Variants in TRIOBP observed in about 807,000 individuals in gnomAD.
TRIOBP encodes the protein TRIO and F-actin-binding protein.
In TRIOBP, 169 loss-of-function variants were observed where a neutral mutation model predicts 238.8. That is an observed-to-expected ratio of 0.71 (90% CI 0.62 to 0.80). The LOEUF is 0.80. TRIOBP is among the 30% of genes least tolerant of loss of function. The pLI, the probability that TRIOBP is intolerant of heterozygous loss-of-function variation, is 0.00. For missense variants in TRIOBP, 2,838 were observed against 3,122.6 expected, an observed-to-expected ratio of 0.91 and a Z score of 2.17; for synonymous variants, 1,150 against 1,274.4, an observed-to-expected ratio of 0.90 and a Z score of 2.08.
chr22:37,771,661 C>T lies in TRIOBP; in HGVS notation c.6861C>T (p.Arg2287=), dbSNP rs565776492. Residue 2287 remains arginine (R), a synonymous_variant, in exon 22 of 24, where the codon CGC becomes CGT. Coordinates refer to ENST00000644935, the MANE Select transcript of TRIOBP (RefSeq NM_001039141.3). ...RSSCELEVLL[R]VKENELQYLK... is the part of the protein sequence containing the mutation. Reference sequence around the variant, plus strand: ...ACCTATATCCCCAGGTGCTGCTTCGCGTAAAAGAAAACGAACTCCAGTACC... The same window carrying T: ...ACCTATATCCCCAGGTGCTGCTTCGTGTAAAAGAAAACGAACTCCAGTACC... 49 of 1,614,048 alleles carry T rather than the reference C, an allele frequency of 3.0e-5. No individual in the cohort carries two copies. The highest frequency in any genetic ancestry group is 8.3e-5 in the Admixed American group (5 of 60,020).
rs1924137280 is a variant in TRIOBP, at chr22:37,726,054, T to A, written c.3498T>A (p.Ile1166=). ...ECPHIPTPVC[I]GHRDAPSFSS... is the part of the protein sequence containing the mutation. ...CCCACATCCCCACCCCTGTGTGCAT[T>A]GGGCACCGGGATGCACCCTCCTTCT... Residue 1166 remains isoleucine, a synonymous_variant, in exon 7 of 24, where the codon ATT becomes ATA. Coordinates refer to ENST00000644935, the MANE Select transcript of TRIOBP (RefSeq NM_001039141.3). The A allele has an allele frequency of 2.5e-6, 4 of 1,610,054 alleles. No individual in the cohort carries two copies. In the South Asian group the frequency reaches 4.4e-5, roughly 18 times the overall value.
At chr22:37,756,941 A>G (rs1381864353) in intron 15 of TRIOBP, among the ~76,000 whole-genome samples, 1 of 152,288 alleles carries the variant, frequency 6.6e-6, no homozygotes, top group East Asian at 1.9e-4. Flanking sequence ...GGTCTCCTAC[A>G]TCACCTCATT....
At position 37,757,869 on chromosome 22, in the gene TRIOBP, C is replaced by T. The variant is rs752462357; in HGVS notation, c.5944C>T (p.Arg1982Cys). The change falls in exon 16 of 24, where the codon CGC (arginine) becomes TGC (cysteine). Residue 1982 changes from arginine (R) to cysteine (C), a missense_variant. Physicochemically the swap from Arg to Cys is radical, Grantham distance 180. This residue lies in a region of TRIOBP where 2,096 missense variants were observed against 2,137.4 expected (regional missense o/e 0.98). Coordinates refer to ENST00000644935, the MANE Select transcript of TRIOBP (RefSeq NM_001039141.3). ...GGAGCTGGAGCGGGACCTGGCCCAG[C>T]GCTCCGAGGAGCGGCGCAAGTGGTT... ...QEELERDLAQ[R>C]SEERRKWFEA... 12 of 1,552,564 alleles carry T rather than the reference C, an allele frequency of 7.7e-6. 1 individual carries two copies. The highest frequency in any genetic ancestry group is 7.1e-5 in the South Asian group (6 of 84,302).
chr22:37,747,961 C>G (rs1925371167), intron 11 of TRIOBP, among the ~76,000 whole-genome samples: 1 of 152,180 alleles, frequency 6.6e-6, no homozygotes, highest in Non-Finnish European at 1.5e-5. Flanking sequence ...AGATGGACAG[C>G]ACATCCCTGC....
rs1305440606 is a variant in TRIOBP at position 37,740,150 on chromosome 22, C to T, written c.5185-745C>T. Among the ~76,000 whole-genome samples, 5 of 152,228 alleles carry T rather than the reference C, an allele frequency of 3.3e-5. 1 individual carries two copies. The East Asian group carries it at 9.7e-4, about 29-fold the overall frequency. On this transcript the variant is annotated intron_variant, in intron 10 of 23. Coordinates refer to ENST00000644935, the MANE Select transcript of TRIOBP (RefSeq NM_001039141.3). ...CCCCTACCCCCAAAGCCCTCCTGGACCTGTGCTTTGATGCTTCAAGTTCCA... is the reference window on the plus strand; with the variant it reads ...CCCCTACCCCCAAAGCCCTCCTGGATCTGTGCTTTGATGCTTCAAGTTCCA...
intron 11 of TRIOBP, among the ~76,000 whole-genome samples, chr22:37,744,038 C>CTGT (rs941000725): frequency 2.1e-5 from 3 of 139,960 alleles, no homozygotes; most frequent in African/African-American, 8.1e-5. Flanking sequence ...GAGTCTCGCT[C>CTGT]TGTTGCCTAG....
rs915286676 is a variant in TRIOBP, at chr22:37,746,333, C to A, written c.5322+5301C>A. ...AGAGGGGCGGCGGCGGCGGCGGCGG[C>A]GGGGTTCCCGCGCCGCGGAGCCCGG... is the stretch of plus-strand genomic sequence containing the variant. On this transcript the variant is annotated intron_variant, in intron 11 of 23. Coordinates refer to ENST00000644935, the MANE Select transcript of TRIOBP (RefSeq NM_001039141.3). 17 of 1,150,270 alleles carry A rather than the reference C, an allele frequency of 1.5e-5. No homozygotes were observed. The African/African-American group carries it at 2.0e-4, about 13-fold the overall frequency. The allele number at this position is 1,150,270 out of a possible 1,614,324, so 71.3% of individuals were successfully genotyped here. A position where few individuals can be genotyped will look rare whatever the true frequency, so the allele number is the denominator to read the frequency against.
chr22:37,747,244 A>T (rs1361304458), intron 11 of TRIOBP, among the ~76,000 whole-genome samples: 1 of 152,200 alleles, frequency 6.6e-6, no homozygotes, highest in Non-Finnish European at 1.5e-5. Context: ...CCCAAGTATA[A>T]GAGAAGGAGT....
chr22:37,736,620 ATTTTT>A (rs1406015141), intron 9 of TRIOBP, among the ~76,000 whole-genome samples: 2 of 152,064 alleles, frequency 1.3e-5, no homozygotes, highest in Non-Finnish European at 2.9e-5. Flanking sequence ...TTGTGCTTTT[ATTTTT>A]ATTTATTTAT....
At chr22:37,759,108 C>A in intron 16 of TRIOBP, 46 bp from the exon 17 acceptor site, 1 of 1,518,448 alleles carries the variant, frequency 6.6e-7, no homozygotes, top group Non-Finnish European at 9.0e-7. Context: ...TTCCACCAGC[C>A]CTGCCCCAGC....
chr22:37,733,212 TCTC>T (rs1367777707), intron 7 of TRIOBP, 83 bp from the exon 8 acceptor site: 17 of 1,068,922 alleles, frequency 1.6e-5, no homozygotes, highest in African/African-American at 6.2e-5. Flanking sequence ...CTGTCCCACA[TCTC>T]CTCCTGTTGG....
At chr22:37,755,316 CT>C in intron 14 of TRIOBP, 126 bp downstream of exon 14, 1 of 1,078,092 alleles carries the variant, frequency 9.3e-7, no homozygotes, top group Admixed American at 2.0e-5. Flanking sequence ...CCCAGAGGCC[CT>C]ATCTTCAGAG....
intron 11 of TRIOBP, chr22:37,746,137 G>GCCCGCCGCGGCC (rs1295777385): frequency 1.0e-6 from 1 of 994,622 alleles, no homozygotes. Flanking sequence ...GCTTCCATTG[G>GCCCGCCGCGGCC]CCCGCCGCGG....
chr22:37,755,291 C>A, intron 14 of TRIOBP, 101 bp downstream of exon 14: 1 of 1,243,142 alleles, frequency 8.0e-7, no homozygotes, highest in Non-Finnish European at 1.1e-6. Context: ...GAGACTGGAT[C>A]CCTTCACTCA....
At chr22:37,746,116 G>A (rs1455473944) in intron 11 of TRIOBP, 2 of 909,480 alleles carry the variant, frequency 2.2e-6, no homozygotes, top group Non-Finnish European at 2.6e-6. Flanking sequence ...CCCGCCCCCG[G>A]CCCGTCTCGC....
intron 9 of TRIOBP, among the ~76,000 whole-genome samples, chr22:37,736,090 C>T (rs1010821486): frequency 2.6e-5 from 4 of 152,364 alleles, no homozygotes; most frequent in East Asian, 1.9e-4. Flanking sequence ...AAATGAGGGT[C>T]GTGTGCAAAG....
At chr22:37,757,123 A>G (rs1292483894) in intron 15 of TRIOBP, among the ~76,000 whole-genome samples, 2 of 152,032 alleles carry the variant, frequency 1.3e-5, no homozygotes, top group African/African-American at 4.8e-5. Context: ...GAGCTTTGGG[A>G]GGCTGAGGTG....
chr22:37,771,541 G>A (rs913524252), intron 21 of TRIOBP, 109 bp from the exon 22 acceptor site: 6 of 938,436 alleles, frequency 6.4e-6, no homozygotes, highest in Non-Finnish European at 7.0e-6. Flanking sequence ...GTGCAGATAG[G>A]GGCTGCATTC....
At position 37,765,781 on chromosome 22, in the gene TRIOBP, T is replaced by C. The variant is rs1926462084; in HGVS notation, c.6436T>C (p.Trp2146Arg). ...ELQRLQQEKE[W>R]LLAEETAATA... ...GCAGCGCCTGCAGCAGGAGAAGGAG[T>C]GGCTCCTGGCTGAGGAGACGGCAGC... The change falls in exon 18 of 24, where the codon TGG becomes CGG. Residue 2146 changes from tryptophan to arginine, a missense_variant. Trp to Arg is a moderately radical substitution (Grantham distance 101). This residue lies in a region of TRIOBP where 2,096 missense variants were observed against 2,137.4 expected (regional missense o/e 0.98). Coordinates refer to ENST00000644935, the MANE Select transcript of TRIOBP (RefSeq NM_001039141.3). The C allele has an allele frequency of 1.3e-5, 21 of 1,588,938 alleles. No homozygotes were observed. The East Asian group carries it at 4.6e-4, about 35-fold the overall frequency.
Sources: gnomAD v4.1 joint callset for allele counts (sites outside exome capture counted in the v4.1 genomes callset) on GRCh38, gnomAD v4.1.1 for gene constraint, gnomAD v4.1.1 regional missense constraint, MANE v1.5 for transcripts, NCBI Gene and HGNC (gene_info 2026-07-23, HGNC 2026-07-21) for gene names.